The following COLEC12 variants were observed in gnomAD, a reference collection of about 807,000 sequenced individuals.
COLEC12 encodes the protein collectin-12.
In COLEC12, 33 loss-of-function variants were observed where a neutral mutation model predicts 71.1. The observed-to-expected ratio is 0.46, with a 90% CI of 0.35 to 0.62. The LOEUF (loss-of-function observed/expected upper bound fraction) is 0.62, where lower values mean the gene tolerates loss of function less well. COLEC12 is among the 20% of genes least tolerant of loss of function. The pLI is 0.00. For synonymous variants in COLEC12, 350 were observed against 353.0 expected, an observed-to-expected ratio of 0.99 and a Z score of 0.10; for missense variants, 765 against 916.1, an observed-to-expected ratio of 0.84 and a Z score of 2.13.
chr18:334,146 T>A (rs1729259278), intron 6 of COLEC12: 1 of 152,412 alleles, frequency 6.6e-6, no homozygotes, highest in Admixed American at 6.5e-5. Context: ...TTTGCACTAC[T>A]TCACTTCGTC....
At chr18:432,071 C>A (rs1206287211) in intron 2 of COLEC12, among the ~76,000 whole-genome samples, 9 of 152,288 alleles carry the variant, frequency 5.9e-5, no homozygotes, top group Middle Eastern at 6.8e-3. Context: ...CTGTCATTAA[C>A]TTTAAATACG....
chr18:500,432 GCA>G lies in COLEC12; in HGVS notation c.7+74_7+75del. Reference sequence around the variant, plus strand: ...GCCCAAGGGAAGGTTCGCGCGGGAGGCACCTCCGTGGCCTCCCGCGCGCCCCG... The same window carrying G: ...GCCCAAGGGAAGGTTCGCGCGGGAGGCCTCCGTGGCCTCCCGCGCGCCCCG... On this transcript the variant is annotated intron_variant, in intron 1 of 9. Coordinates refer to ENST00000400256, the MANE Select transcript of COLEC12 (RefSeq NM_130386.3). The surrounding 1 kb of genome is among the most constrained non-coding windows in gnomAD (Gnocchi z 5.3). 1 of 848,786 alleles carries G rather than the reference GCA, an allele frequency of 1.2e-6. No individual in the cohort carries two copies. Among genetic ancestry groups the G allele is most frequent in the Non-Finnish European group, 1.4e-6 (1 of 696,168 alleles). 52.6% of individuals were successfully genotyped at this position (848,786 alleles called of 1,614,324 possible). A position where few individuals can be genotyped will look rare whatever the true frequency, so the allele number is the denominator to read the frequency against.
At chr18:491,903 C>A (rs1917625803) in intron 1 of COLEC12, among the ~76,000 whole-genome samples, 1 of 152,206 alleles carries the variant, frequency 6.6e-6, no homozygotes, top group Non-Finnish European at 1.5e-5. Flanking sequence ...GTAAACCTGG[C>A]TCCCCGCATG....
At chr18:411,586 A>G (rs972460367) in intron 2 of COLEC12, among the ~76,000 whole-genome samples, 1 of 152,222 alleles carries the variant, frequency 6.6e-6, no homozygotes, top group African/African-American at 2.4e-5. Context: ...ATAAATAACC[A>G]AAGTTATTTA....
At chr18:436,731 C>T (rs1567907584) in intron 2 of COLEC12, among the ~76,000 whole-genome samples, 1 of 151,800 alleles carries the variant, frequency 6.6e-6, no homozygotes, top group African/African-American at 2.4e-5. Flanking sequence ...TGGCTTTCCC[C>T]GACAGTGATG....
At chr18:488,275 G>A (rs1917556292) in intron 1 of COLEC12, among the ~76,000 whole-genome samples, 1 of 151,700 alleles carries the variant, frequency 6.6e-6, no homozygotes, top group South Asian at 2.1e-4. Context: ...GCCGGGCATA[G>A]TGATACATAC....
At position 500,349 on chromosome 18, in the gene COLEC12, C is replaced by A. The variant is rs937215804; in HGVS notation, c.7+159G>T. Among the ~76,000 whole-genome samples, 21 of 151,904 alleles carry A rather than the reference C, an allele frequency of 1.4e-4. No homozygotes were observed. Among genetic ancestry groups the A allele is most frequent in the Non-Finnish European group, 2.4e-4 (16 of 67,944 alleles). The stretch of plus-strand genomic sequence containing the variant: ...GCGCCTGACCCGGGAGCCGGGTGCG[C>A]CCCCAGTGTCCGCGCACGAACCCGG... On this transcript the variant is annotated intron_variant, in intron 1 of 9. Transcript: ENST00000400256. This position sits in a 1 kb window ranked among gnomAD's most constrained non-coding sequence, Gnocchi z 5.3.
chr18:499,372 T>G (rs1737001262), intron 1 of COLEC12, among the ~76,000 whole-genome samples: 1 of 152,186 alleles, frequency 6.6e-6, no homozygotes, highest in Admixed American at 6.5e-5. Context: ...ATTGGTAGGA[T>G]ATCATCGCTC....
chr18:483,355 C>T (rs1035776388), intron 1 of COLEC12, among the ~76,000 whole-genome samples: 1 of 150,542 alleles, frequency 6.6e-6, no homozygotes, highest in African/African-American at 2.4e-5. Flanking sequence ...CAAGATCACG[C>T]CAACTACACT....
chr18:398,907 T>C (rs1915623624), intron 2 of COLEC12, among the ~76,000 whole-genome samples: 1 of 152,238 alleles, frequency 6.6e-6, no homozygotes, highest in Non-Finnish European at 1.5e-5. Context: ...TGTTTATATA[T>C]TGATTCTAAG....
At chr18:472,048 T>A (rs941480865) in intron 2 of COLEC12, among the ~76,000 whole-genome samples, 1 of 152,298 alleles carries the variant, frequency 6.6e-6, no homozygotes, top group Admixed American at 6.5e-5. Context: ...CTTGTATGGA[T>A]TATGTACGTA....
chr18:374,052 C>A (rs1262510297), intron 2 of COLEC12, among the ~76,000 whole-genome samples: 2 of 152,126 alleles, frequency 1.3e-5, no homozygotes, highest in Non-Finnish European at 2.9e-5. Flanking sequence ...GGCTCTTGTG[C>A]ATGTCTGTAA....
chr18:488,292 T>C (rs1917556526), intron 1 of COLEC12, among the ~76,000 whole-genome samples: 1 of 151,868 alleles, frequency 6.6e-6, no homozygotes, highest in African/African-American at 2.4e-5. Context: ...ATACCTGTAA[T>C]CCCAATTACT....
At position 362,723 on chromosome 18, in the gene COLEC12, C is replaced by G. The variant is rs994504095; in HGVS notation, c.59-5201G>C. ...GTGCCAAAGAACCTGGCGCCAATAG[C>G]ACATTTGAAATTCAGAGGCCTACAG... is the stretch of plus-strand genomic sequence containing the variant. On this transcript the variant is annotated intron_variant, in intron 2 of 9. Coordinates refer to ENST00000400256, the MANE Select transcript of COLEC12 (RefSeq NM_130386.3). This position sits in a 1 kb window ranked among gnomAD's most constrained non-coding sequence, Gnocchi z 4.6. Among the ~76,000 whole-genome samples, 1 of 152,240 alleles carries G rather than the reference C, an allele frequency of 6.6e-6. No homozygotes were observed. The highest frequency in any genetic ancestry group is 2.4e-5 in the African/African-American group (1 of 41,546).
At chr18:369,401 T>A (rs73942876) in intron 2 of COLEC12, among the ~76,000 whole-genome samples, 7,571 of 132,432 alleles carry the variant, frequency 0.057, 190 homozygotes, top group African/African-American at 0.082. Flanking sequence ...TTTTTTATTT[T>A]TTTTTATTTT....
intron 5 of COLEC12, among the ~76,000 whole-genome samples, chr18:335,890 A>G (rs1157868105): frequency 6.6e-6 from 1 of 152,182 alleles, no homozygotes; most frequent in African/African-American, 2.4e-5. Flanking sequence ...ACTGACAGCC[A>G]GGGGCTTATT....
intron 2 of COLEC12, among the ~76,000 whole-genome samples, chr18:379,110 G>T (rs1915176704): frequency 6.6e-6 from 1 of 151,454 alleles, no homozygotes; most frequent in Non-Finnish European, 1.5e-5. Context: ...ATTAGGAAAA[G>T]AAGGTTTTGT....
At chr18:439,595 C>T (rs1276916392) in intron 2 of COLEC12, among the ~76,000 whole-genome samples, 9 of 149,982 alleles carry the variant, frequency 6.0e-5, no homozygotes, top group Non-Finnish European at 1.5e-5. Flanking sequence ...ATATAATTTA[C>T]ATATCATAAA....
chr18:431,957 G>A (rs1358588660), intron 2 of COLEC12, among the ~76,000 whole-genome samples: 1 of 152,120 alleles, frequency 6.6e-6, no homozygotes, highest in East Asian at 1.9e-4. Context: ...ATCTAGAGAG[G>A]TTAAATAACT....
Sources: allele counts gnomAD v4.1 joint callset (sites outside exome capture counted in the v4.1 genomes callset), GRCh38; gene constraint gnomAD v4.1.1; non-coding constraint Gnocchi (gnomAD v3.1); transcripts MANE v1.5; gene names NCBI Gene and HGNC (gene_info 2026-07-23, HGNC 2026-07-21).